The following MAGI2 variants were observed in gnomAD, a reference collection of about 807,000 sequenced individuals.
MAGI2 encodes the protein membrane associated guanylate kinase, WW and PDZ domain containing 2, also known as membrane-associated guanylate kinase, WW and PDZ domain-containing protein 2.
A neutral mutation model predicts 133.3 loss-of-function variants in MAGI2; 35 were observed. The observed-to-expected ratio is 0.26, with a 90% confidence interval of 0.20 to 0.35. MAGI2 has a LOEUF of 0.35. MAGI2 is among the 10% of genes least tolerant of loss of function. The pLI is 1.00. For missense variants in MAGI2, 1,636 were observed against 1,863.4 expected (o/e 0.88, Z 2.25); for synonymous variants, 729 against 710.6 (o/e 1.03, Z -0.41).
chr7:78,219,874 T>C (rs1274771747), intron 10 of MAGI2, among the ~76,000 whole-genome samples: 3 of 152,340 alleles, frequency 2.0e-5, no homozygotes, highest in South Asian at 2.1e-4. Context: ...CCTATAGTAC[T>C]GTAAATGACT....
chr7:78,663,762 C>G (rs962370087), intron 2 of MAGI2, among the ~76,000 whole-genome samples: 2 of 152,130 alleles, frequency 1.3e-5, no homozygotes, highest in Non-Finnish European at 2.9e-5. Context: ...AAAGAAATAG[C>G]CTTAATGCAT....
At chr7:78,499,968 A>G (rs890548339) in intron 5 of MAGI2, among the ~76,000 whole-genome samples, 3 of 152,354 alleles carry the variant, frequency 2.0e-5, no homozygotes, top group East Asian at 1.9e-4. Flanking sequence ...CTATTTTCCA[A>G]TTAATTGATA....
At chr7:79,297,771 C>T (rs1176870974) in intron 1 of MAGI2, among the ~76,000 whole-genome samples, 1 of 152,182 alleles carries the variant, frequency 6.6e-6, no homozygotes, top group East Asian at 1.9e-4. Flanking sequence ...CCTCTTTGAG[C>T]AGCAATATTT....
intron 10 of MAGI2, among the ~76,000 whole-genome samples, chr7:78,211,984 T>C (rs191222078): frequency 2.0e-5 from 3 of 152,342 alleles, no homozygotes; most frequent in African/African-American, 4.8e-5. Context: ...TGCTCTAGTA[T>C]AGACTGTGCC....
At chr7:78,102,736 A>G (rs755151594) in intron 20 of MAGI2, among the ~76,000 whole-genome samples, 1 of 152,232 alleles carries the variant, frequency 6.6e-6, no homozygotes, top group Non-Finnish European at 1.5e-5. Context: ...CTACCTAACA[A>G]TATTACTTTT....
chr7:78,898,490 C>T (rs552265780), intron 2 of MAGI2, among the ~76,000 whole-genome samples: 2 of 152,272 alleles, frequency 1.3e-5, no homozygotes, highest in East Asian at 3.9e-4. Context: ...ATGATGAGAT[C>T]ATGTCCTTTG....
rs564954411 is a variant in MAGI2 at position 79,242,269 on chromosome 7, T to C, written c.301+210751A>G. 3.9e-5 allele frequency among the ~76,000 whole-genome samples: 6 copies of C among 152,262 alleles called. No individual in the cohort carries two copies. The East Asian group carries it at 1.2e-3, about 29-fold the overall frequency. On this transcript the variant is annotated intron_variant, in intron 1 of 21. Transcript: ENST00000354212. The stretch of plus-strand genomic sequence containing the variant: ...CACAATGTATATATATATCATAACA[T>C]CATGCTGTATCTCATGAACATATAC...
At chr7:78,224,990 A>G (rs1789227857) in intron 10 of MAGI2, among the ~76,000 whole-genome samples, 1 of 151,388 alleles carries the variant, frequency 6.6e-6, no homozygotes, top group Admixed American at 6.6e-5. Flanking sequence ...TGCTCACCTC[A>G]CCTCCAACTT....
intron 2 of MAGI2, among the ~76,000 whole-genome samples, chr7:78,945,281 C>CA: frequency 6.6e-6 from 1 of 151,924 alleles, no homozygotes; most frequent in Non-Finnish European, 1.5e-5. Flanking sequence ...AGGCTGGTCT[C>CA]AAACTCCTGG....
chr7:79,307,159 A>C (rs1837893097), intron 1 of MAGI2, among the ~76,000 whole-genome samples: 1 of 152,146 alleles, frequency 6.6e-6, no homozygotes, highest in Non-Finnish European at 1.5e-5. Flanking sequence ...ATGGACAGTT[A>C]CTGAGGAGTT....
At chr7:78,477,725 A>G (rs1465477645) in intron 6 of MAGI2, among the ~76,000 whole-genome samples, 1 of 151,932 alleles carries the variant, frequency 6.6e-6, no homozygotes, top group Non-Finnish European at 1.5e-5. Flanking sequence ...CATGGGGATT[A>G]CTACAATTCA....
At chr7:78,597,481 T>C (rs1458598028) in intron 3 of MAGI2, among the ~76,000 whole-genome samples, 1 of 151,778 alleles carries the variant, frequency 6.6e-6, no homozygotes, top group Non-Finnish European at 1.5e-5. Context: ...CCAATTCAAC[T>C]CCACATGCAG....
chr7:78,704,719 A>G (rs1309522828), intron 2 of MAGI2, among the ~76,000 whole-genome samples: 1 of 151,954 alleles, frequency 6.6e-6, no homozygotes, highest in Non-Finnish European at 1.5e-5. Flanking sequence ...CTATGCAGCC[A>G]TGAAAAACAA....
rs1562865615 is a variant in MAGI2 at position 79,077,598 on chromosome 7, AATAAAT to A, written c.302-70398_302-70393del. On this transcript the variant is annotated intron_variant, in intron 1 of 21. Transcript: ENST00000354212. The stretch of plus-strand genomic sequence containing the variant: ...TCAAAAAAAAAAAAAAAAAAAAATA[AATAAAT>A]AAATAAATTCCCTTTTGCTTAACTA... Among the ~76,000 whole-genome samples the A allele has an allele frequency of 1.9e-3, 92 of 48,674 alleles. 6 individuals carry two copies. Among genetic ancestry groups the A allele is most frequent in the African/African-American group, 3.7e-3 (47 of 12,850 alleles). 31.9% of individuals were successfully genotyped at this position (48,674 alleles called of 152,430 possible). A position where few individuals can be genotyped will look rare whatever the true frequency, so the allele number is the denominator to read the frequency against.
At chr7:78,893,818 T>C (rs945392690) in intron 2 of MAGI2, among the ~76,000 whole-genome samples, 1 of 152,150 alleles carries the variant, frequency 6.6e-6, no homozygotes, top group Non-Finnish European at 1.5e-5. Context: ...ATGGCGCATA[T>C]ATACATATGT....
At chr7:78,435,985 C>T (rs540291562) in intron 6 of MAGI2, among the ~76,000 whole-genome samples, 34 of 152,234 alleles carry the variant, frequency 2.2e-4, no homozygotes, top group Non-Finnish European at 4.3e-4. Context: ...AGGGAAATGC[C>T]ATTTTGAACA....
At chr7:79,432,088 C>G (rs993646616) in intron 1 of MAGI2, among the ~76,000 whole-genome samples, 3 of 152,152 alleles carry the variant, frequency 2.0e-5, no homozygotes, top group Non-Finnish European at 4.4e-5. Flanking sequence ...GCTAAGGCTT[C>G]AAAGCTGAGG....
chr7:78,461,682 T>A (rs1427939208), intron 6 of MAGI2, among the ~76,000 whole-genome samples: 1 of 151,104 alleles, frequency 6.6e-6, no homozygotes, highest in Non-Finnish European at 1.5e-5. Flanking sequence ...GAGGCTGAGG[T>A]GGGCGGATCA....
chr7:78,540,064 T>C (rs1022188066), intron 3 of MAGI2, among the ~76,000 whole-genome samples: 2 of 152,222 alleles, frequency 1.3e-5, no homozygotes, highest in African/African-American at 2.4e-5. Context: ...TGTGATCATA[T>C]AGGGGGATAT....
Sources: allele counts gnomAD v4.1 joint callset (sites outside exome capture counted in the v4.1 genomes callset), GRCh38; gene constraint gnomAD v4.1.1; transcripts MANE v1.5; gene names NCBI Gene and HGNC (gene_info 2026-07-23, HGNC 2026-07-21).